Variants in CERK observed in about 807,000 individuals in gnomAD.
The protein encoded by CERK is acylsphingosine kinase.
In CERK, 39 loss-of-function variants were observed where a neutral mutation model predicts 63.4. The observed-to-expected ratio is 0.61, with a 90% CI of 0.48 to 0.80. CERK has a LOEUF of 0.80. Among genes scored for constraint, CERK ranks in the 30% least tolerant of loss-of-function variants. CERK has a pLI of 0.00. For synonymous variants in CERK, 302 were observed against 280.0 expected (o/e 1.08, Z -0.78); for missense variants, 670 against 714.1 (o/e 0.94, Z 0.70).
At chr22:46,700,461 C>T (rs1332156831) in intron 7 of CERK, among the ~76,000 whole-genome samples, 1 of 152,200 alleles carries the variant, frequency 6.6e-6, no homozygotes, top group Non-Finnish European at 1.5e-5. Context: ...CACAGTGGCT[C>T]ACGCCTATAA....
rs1041802894 is a variant in CERK at position 46,714,075 on chromosome 22, A to G, written c.380-1782T>C. Reference sequence around the variant, plus strand: ...CACTTGAGGTCAGGTGTTTGAAACCAGCCTGGGCAACATGGTGAAACCCTG... The same window carrying G: ...CACTTGAGGTCAGGTGTTTGAAACCGGCCTGGGCAACATGGTGAAACCCTG... On this transcript the variant is annotated intron_variant, in intron 3 of 12. Transcript: ENST00000216264. This position sits in a 1 kb window ranked among gnomAD's most constrained non-coding sequence, Gnocchi z 4.4. Among the ~76,000 whole-genome samples, 1 of 152,240 alleles carries G rather than the reference A, an allele frequency of 6.6e-6. No individual in the cohort carries two copies. Among genetic ancestry groups the G allele is most frequent in the Non-Finnish European group, 1.5e-5 (1 of 68,046 alleles).
At position 46,727,699 on chromosome 22, in the gene CERK, G is replaced by A. The variant is rs115880146; in HGVS notation, c.143-6684C>T. 3.3e-3 allele frequency among the ~76,000 whole-genome samples: 501 copies of A among 152,250 alleles called. 2 individuals carry two copies. The highest frequency in any genetic ancestry group is 9.2e-3 in the African/African-American group (381 of 41,548). Reference sequence around the variant, plus strand: ...AACGTCCCGATACCAGCCTAAGGGTGCTGTGGTCCGCGTGCCCCACTCTCA... The same window carrying A: ...AACGTCCCGATACCAGCCTAAGGGTACTGTGGTCCGCGTGCCCCACTCTCA... On this transcript the variant is annotated intron_variant, in intron 1 of 12. Transcript: ENST00000216264.
chr22:46,716,462 A>G (rs2082866936), intron 3 of CERK, among the ~76,000 whole-genome samples: 1 of 150,940 alleles, frequency 6.6e-6, no homozygotes, highest in Non-Finnish European at 1.5e-5. Context: ...AAGTGCTAGG[A>G]TTATAGGCGT....
intron 8 of CERK, among the ~76,000 whole-genome samples, chr22:46,696,716 A>G (rs796645029): frequency 1.4e-4 from 21 of 152,350 alleles, no homozygotes; most frequent in African/African-American, 4.8e-4. Context: ...TCCTGAGAGC[A>G]TCTCAGGCCC....
chr22:46,732,935 G>A (rs753306320), intron 1 of CERK, among the ~76,000 whole-genome samples: 6 of 152,042 alleles, frequency 3.9e-5, no homozygotes, highest in Non-Finnish European at 8.8e-5. Flanking sequence ...CTGGCCAGGC[G>A]CGGTGGCTCA....
intron 1 of CERK, chr22:46,735,577 G>C (rs1284858074): frequency 6.6e-6 from 1 of 152,204 alleles, no homozygotes; most frequent in Non-Finnish European, 1.5e-5. Flanking sequence ...AGTGGCCTTG[G>C]CTTTGTCTTT....
At chr22:46,721,417 C>T (rs949448766) in intron 1 of CERK, among the ~76,000 whole-genome samples, 5 of 151,224 alleles carry the variant, frequency 3.3e-5, no homozygotes, top group Admixed American at 6.6e-5. Flanking sequence ...CTCAGCCTCC[C>T]GAACAGCTTT....
chr22:46,721,693 A>C (rs2082893489), intron 1 of CERK, among the ~76,000 whole-genome samples: 1 of 152,120 alleles, frequency 6.6e-6, no homozygotes, highest in African/African-American at 2.4e-5. Context: ...CAGAAATCCA[A>C]GTGGGAGGGA....
At chr22:46,724,704 G>T (rs1278407635) in intron 1 of CERK, among the ~76,000 whole-genome samples, 2 of 152,204 alleles carry the variant, frequency 1.3e-5, no homozygotes, top group African/African-American at 4.8e-5. Flanking sequence ...TCCGATAAAT[G>T]ATGGCTTCCT....
intron 6 of CERK, among the ~76,000 whole-genome samples, chr22:46,706,980 G>A (rs555578776): frequency 1.3e-5 from 2 of 152,292 alleles, no homozygotes; most frequent in East Asian, 3.9e-4. Context: ...CACAGAGAAG[G>A]TGGCTCAGGG....
At chr22:46,693,696 A>G (rs986889931) in intron 9 of CERK, 193 bp from the exon 10 acceptor site, 9 of 528,258 alleles carry the variant, frequency 1.7e-5, no homozygotes, top group South Asian at 4.0e-5. Context: ...CACATTCAAC[A>G]TGTCCTTCTC....
intron 1 of CERK, among the ~76,000 whole-genome samples, chr22:46,723,184 G>A (rs894152742): frequency 1.3e-5 from 2 of 152,224 alleles, no homozygotes; most frequent in African/African-American, 4.8e-5. Flanking sequence ...AGACAAAGAT[G>A]CCAGCAGGGT....
intron 5 of CERK, among the ~76,000 whole-genome samples, chr22:46,709,402 A>G (rs536606962): frequency 6.6e-6 from 1 of 152,194 alleles, no homozygotes; most frequent in Non-Finnish European, 1.5e-5. Context: ...GGGAAGAAGT[A>G]CATGGAGGAG....
In CERK at chr22:46,695,320, G is replaced by A. The variant is rs1322126519; in HGVS notation, c.944-5C>T. 4 of 1,528,680 alleles carry A rather than the reference G, an allele frequency of 2.6e-6. No individual in the cohort carries two copies. In the East Asian group the frequency reaches 9.0e-5, roughly 34 times the overall value. 94.7% of individuals were successfully genotyped at this position (1,528,680 alleles called of 1,614,324 possible). A position where few individuals can be genotyped will look rare whatever the true frequency, so the allele number is the denominator to read the frequency against. On this transcript the variant is annotated splice_polypyrimidine_tract_variant and splice_region_variant and intron_variant, in intron 8 of 12. Transcript: ENST00000216264. Reference sequence around the variant, plus strand: ...GGGAGAGGAAGGTCTTTAAACCTGGGAACAGAGTGCAGTGAAGAAAAAACA... The same window carrying A: ...GGGAGAGGAAGGTCTTTAAACCTGGAAACAGAGTGCAGTGAAGAAAAAACA...
chr22:46,692,830 G>A lies in CERK; in HGVS notation c.1126+597C>T, dbSNP rs544005432. Among the ~76,000 whole-genome samples the A allele has an allele frequency of 3.1e-3, 462 of 150,076 alleles. 1 individual carries two copies. The highest frequency in any genetic ancestry group is 0.011 in the African/African-American group (445 of 40,692). On this transcript the variant is annotated intron_variant, in intron 10 of 12. Coordinates refer to ENST00000216264, the MANE Select transcript of CERK (RefSeq NM_022766.6). ...TGAGGGAGGAGAATCGCTTGAACTC[G>A]GGAGGCGGAGGTTGCAGTGAGCTGA...
intron 8 of CERK, among the ~76,000 whole-genome samples, chr22:46,698,483 T>A (rs2082767271): frequency 6.6e-6 from 1 of 152,210 alleles, no homozygotes; most frequent in African/African-American, 2.4e-5. Flanking sequence ...TTGAATGAAG[T>A]AAAGGATACC....
At chr22:46,715,747 A>G (rs1398065992) in intron 3 of CERK, among the ~76,000 whole-genome samples, 2 of 152,228 alleles carry the variant, frequency 1.3e-5, no homozygotes, top group East Asian at 1.9e-4. Flanking sequence ...CTCACACTGG[A>G]CACAAAGATG....
intron 1 of CERK, among the ~76,000 whole-genome samples, chr22:46,727,837 C>A (rs921272023): frequency 5.9e-5 from 9 of 152,004 alleles, no homozygotes; most frequent in African/African-American, 9.7e-5. Context: ...AGCCACCCCC[C>A]CCGGCCCTGC....
intron 11 of CERK, among the ~76,000 whole-genome samples, chr22:46,691,222 A>G (rs2082730023): frequency 6.6e-6 from 1 of 151,990 alleles, no homozygotes; most frequent in Non-Finnish European, 1.5e-5. Context: ...TTACAGGCGC[A>G]CGCCACCACG....
Sources: allele counts gnomAD v4.1 joint callset (sites outside exome capture counted in the v4.1 genomes callset), GRCh38; gene constraint gnomAD v4.1.1; non-coding constraint Gnocchi (gnomAD v3.1); transcripts MANE v1.5; gene names NCBI Gene and HGNC (gene_info 2026-07-23, HGNC 2026-07-21).